Variants in KCNH7 observed in about 807,000 individuals in gnomAD.
KCNH7 encodes the protein voltage-gated inwardly rectifying potassium channel KCNH7.
KCNH7 carries 49 observed loss-of-function variants against 120.8 expected under a neutral mutation model. The observed-to-expected ratio is 0.41, with a 90% CI of 0.32 to 0.51. The LOEUF (loss-of-function observed/expected upper bound fraction) is 0.51. Ranked by LOEUF, KCNH7 falls within the 20% of genes least tolerant of loss-of-function variation. KCNH7 has a pLI of 0.38. For missense variants in KCNH7, 1,097 were observed against 1,446.6 expected (o/e 0.76, Z 3.92); for synonymous variants, 547 against 516.1 (o/e 1.06, Z -0.81).
chr2:162,443,077 A>T (rs1205805616), intron 7 of KCNH7, among the ~76,000 whole-genome samples: 1 of 152,138 alleles, frequency 6.6e-6, no homozygotes, highest in Non-Finnish European at 1.5e-5. Context: ...CTGCCACTTT[A>T]AAAAGTGTAG....
intron 2 of KCNH7, among the ~76,000 whole-genome samples, chr2:162,597,068 C>A (rs1480693906): frequency 3.3e-5 from 5 of 151,998 alleles, no homozygotes; most frequent in Admixed American, 3.3e-4. Context: ...AGGATGTGGA[C>A]AAAAGTCCGA....
At chr2:162,579,630 C>G (rs1013396733) in intron 2 of KCNH7, among the ~76,000 whole-genome samples, 2 of 151,948 alleles carry the variant, frequency 1.3e-5, no homozygotes, top group Non-Finnish European at 2.9e-5. Context: ...AGATAAACTG[C>G]CCCTGCAGCA....
intron 9 of KCNH7, among the ~76,000 whole-genome samples, chr2:162,408,234 A>T (rs1176092363): frequency 6.6e-6 from 1 of 152,096 alleles, no homozygotes; most frequent in Non-Finnish European, 1.5e-5. Flanking sequence ...GTAATAAAGG[A>T]TAGAAATCTA....
chr2:162,577,984 T>G (rs1324980638), intron 2 of KCNH7, among the ~76,000 whole-genome samples: 1 of 152,036 alleles, frequency 6.6e-6, no homozygotes, highest in Non-Finnish European at 1.5e-5. Context: ...CTGCCCAAGG[T>G]CATAGAATTT....
chr2:162,413,747 A>G (rs924632048), intron 9 of KCNH7, among the ~76,000 whole-genome samples: 2 of 152,042 alleles, frequency 1.3e-5, no homozygotes, highest in Admixed American at 1.3e-4. Context: ...TCTGTGAACT[A>G]TAAAATAAAA....
intron 2 of KCNH7, among the ~76,000 whole-genome samples, chr2:162,712,320 T>A (rs1223251660): frequency 1.3e-5 from 2 of 152,106 alleles, no homozygotes; most frequent in African/African-American, 4.8e-5. Context: ...TTTGTGAAAA[T>A]GTCTCCTGTT....
At chr2:162,797,772 C>G (rs1444923458) in intron 2 of KCNH7, 1 of 151,990 alleles carries the variant, frequency 6.6e-6, no homozygotes, top group Non-Finnish European at 1.5e-5. Context: ...CCATTCTGCC[C>G]TAGTCAGGCG....
At chr2:162,827,923 C>T (rs924750661) in intron 2 of KCNH7, among the ~76,000 whole-genome samples, 1 of 152,030 alleles carries the variant, frequency 6.6e-6, no homozygotes, top group Non-Finnish European at 1.5e-5. Context: ...AATGTTAGAC[C>T]TTTGGGAGAA....
intron 2 of KCNH7, among the ~76,000 whole-genome samples, chr2:162,597,411 A>G (rs962513620): frequency 1.3e-5 from 2 of 152,088 alleles, no homozygotes; most frequent in African/African-American, 4.8e-5. Context: ...CTTAAAGAAC[A>G]TTATGCTAAA....
chr2:162,744,190 T>C (rs1209476307), intron 2 of KCNH7, among the ~76,000 whole-genome samples: 2 of 152,204 alleles, frequency 1.3e-5, no homozygotes, highest in Non-Finnish European at 2.9e-5. Flanking sequence ...TGACTACTTA[T>C]GTCTCAAATC....
chr2:162,730,772 G>C (rs1454197416), intron 2 of KCNH7, among the ~76,000 whole-genome samples: 1 of 151,846 alleles, frequency 6.6e-6, no homozygotes, highest in Non-Finnish European at 1.5e-5. Context: ...GCGGGAAAAA[G>C]GAAAATATGT....
intron 11 of KCNH7, among the ~76,000 whole-genome samples, chr2:162,395,153 T>C (rs1465252876): frequency 1.3e-5 from 2 of 151,854 alleles, no homozygotes. Flanking sequence ...TTCTAATAAA[T>C]AGTAGGCTAT....
rs543776191 is a variant in KCNH7, at chr2:162,752,925, A to G, written c.307+83612T>C. ...CAGAAAAAGAAAAGAAAAGAAAAGA[A>G]AAGAAAAGAAAAGAAAAGAAAAGAA... On this transcript the variant is annotated intron_variant, in intron 2 of 15. Transcript: ENST00000332142. Among the ~76,000 whole-genome samples the G allele has an allele frequency of 6.1e-4, 46 of 75,420 alleles. 1 individual carries two copies. The highest frequency in any genetic ancestry group is 3.6e-3 in the African/African-American group (42 of 11,812). 49.5% of individuals were successfully genotyped at this position (75,420 alleles called of 152,430 possible). A position where few individuals can be genotyped will look rare whatever the true frequency, so the allele number is the denominator to read the frequency against.
rs747248926 is a variant in KCNH7, at chr2:162,745,406, G to A, written c.307+91131C>T. Among the ~76,000 whole-genome samples, 61 of 151,806 alleles carry A rather than the reference G, an allele frequency of 4.0e-4. 1 individual carries two copies. The highest frequency in any genetic ancestry group is 1.9e-3 in the Admixed American group (29 of 15,232). The stretch of plus-strand genomic sequence containing the variant: ...GCTTTTTTTTTAAACTAAAGAACCC[G>A]TTATTTAGAGCAAATAAATGACAAA... On this transcript the variant is annotated intron_variant, in intron 2 of 15. Transcript: ENST00000332142.
chr2:162,565,091 G>A (rs940740959), intron 2 of KCNH7, among the ~76,000 whole-genome samples: 1 of 152,146 alleles, frequency 6.6e-6, no homozygotes, highest in South Asian at 2.1e-4. Context: ...ACAAGTAGGG[G>A]CTTCAATATG....
At chr2:162,596,793 G>A (rs569092702) in intron 2 of KCNH7, among the ~76,000 whole-genome samples, 1 of 152,090 alleles carries the variant, frequency 6.6e-6, no homozygotes, top group South Asian at 2.1e-4. Context: ...GAAAATATTT[G>A]CAAACTGTCC....
In KCNH7 at chr2:162,517,953, G is replaced by C; in HGVS notation, c.669C>G (p.Ser223Arg). The part of the protein sequence containing the change: ...ADDTKALIQP[S>R]KCSPLVNISG... ...ATATATTCACCAAGGGAGAACATTT[G>C]CTGGGCTGTATCAAAGCTTTTGTGT... Residue 223 changes from serine (S) to arginine (R), a missense_variant, in exon 4 of 16, where the codon AGC becomes AGG. Physicochemically the swap from Ser to Arg is moderately radical, Grantham distance 110. This residue lies in a region of KCNH7 where 362 missense variants were observed against 372.2 expected (regional missense o/e 0.97). Coordinates refer to ENST00000332142, the MANE Select transcript of KCNH7 (RefSeq NM_033272.4). 1 of 1,612,188 alleles carries C rather than the reference G, an allele frequency of 6.2e-7. No individual in the cohort carries two copies. Among genetic ancestry groups the C allele is most frequent in the Non-Finnish European group, 8.5e-7 (1 of 1,178,712 alleles).
At chr2:162,447,856 T>A (rs570941748) in intron 6 of KCNH7, among the ~76,000 whole-genome samples, 7 of 152,174 alleles carry the variant, frequency 4.6e-5, no homozygotes, top group African/African-American at 1.7e-4. Flanking sequence ...TAACCCCAAA[T>A]GAGACACAAT....
At chr2:162,640,501 T>TA (rs74364557) in intron 2 of KCNH7, among the ~76,000 whole-genome samples, 15,787 of 150,554 alleles carry the variant, frequency 0.1, 1,514 homozygotes, top group East Asian at 0.3. Context: ...CCATATACAT[T>TA]AAAAAAAAAT....
Sources: gnomAD v4.1 joint callset for allele counts (sites outside exome capture counted in the v4.1 genomes callset) on GRCh38, gnomAD v4.1.1 for gene constraint, gnomAD v4.1.1 regional missense constraint, MANE v1.5 for transcripts, NCBI Gene and HGNC (gene_info 2026-07-23, HGNC 2026-07-21) for gene names.